Variants in USP42 observed in about 807,000 individuals in gnomAD.
USP42 encodes the protein ubiquitin specific peptidase 42, also known as ubiquitin carboxyl-terminal hydrolase 42.
USP42 carries 23 observed loss-of-function variants against 113.0 expected under a neutral mutation model. That is an observed-to-expected ratio of 0.20 (90% CI 0.15 to 0.29). USP42 has a LOEUF of 0.29. Among genes scored for constraint, USP42 ranks in the 10% least tolerant of loss-of-function variants. The pLI, the probability that USP42 is intolerant of heterozygous loss-of-function variation, is 1.00. For missense variants in USP42, 2,174 were observed against 1,779.8 expected (o/e 1.22, Z -3.99); for synonymous variants, 933 against 699.0 (o/e 1.33, Z -5.28).
chr7:6,156,918 A>G lies in USP42; in HGVS notation c.3806A>G (p.Gln1269Arg), dbSNP rs377237604. ...GTCACCAGCTTGGAGACTGTCGCCC[A>G]GTTCCGGAGAGCCCAGGGTGGCTTT... ...PRVTSLETVA[Q>R]FRRAQGGFPL... The change falls in exon 16 of 18, where the codon CAG becomes CGG. Residue 1269 changes from glutamine to arginine, a missense_variant. Gln to Arg is a conservative substitution (Grantham distance 43). Transcript: ENST00000306177. 6.2e-6 allele frequency: 10 copies of G among 1,613,772 alleles called. No individual in the cohort carries two copies. The African/African-American group carries it at 1.3e-4, about 22-fold the overall frequency.
At chr7:6,096,711 CCTT>C in the USP42 span, among the ~76,000 whole-genome samples, 2 of 151,166 alleles carry the variant, frequency 1.3e-5, no homozygotes, top group African/African-American at 4.9e-5. Flanking sequence ...TGGAGATCCT[CCTT>C]GTCTGCTTAC....
upstream of USP42, among the ~76,000 whole-genome samples, chr7:6,104,352 G>A (rs1379867092): frequency 2.0e-5 from 3 of 152,080 alleles, no homozygotes; most frequent in African/African-American, 7.2e-5. Context: ...AGAATGCTGG[G>A]ATTAAGGCGT....
rs1346476785 is a variant in USP42 at position 6,159,629 on chromosome 7, A to G, written c.*36+136A>G. Reference sequence around the variant, plus strand: ...GGCAGAGCCATGGAGAGGCCCCGGCAGGTTCCCAGCCAGCCCAGACCCAGG... The same window carrying G: ...GGCAGAGCCATGGAGAGGCCCCGGCGGGTTCCCAGCCAGCCCAGACCCAGG... On this transcript the variant is annotated intron_variant, in intron 17 of 17. Coordinates refer to ENST00000306177, the MANE Select transcript of USP42 (RefSeq NM_032172.3). The surrounding 1 kb of genome is among the most constrained non-coding windows in gnomAD (Gnocchi z 4.1). 3.5e-6 allele frequency: 3 copies of G among 864,172 alleles called. No homozygotes were observed. Among genetic ancestry groups the G allele is most frequent in the Non-Finnish European group, 5.4e-6 (3 of 559,580 alleles). The allele number at this position is 864,172 out of a possible 1,614,324, so 53.5% of individuals were successfully genotyped here.
At chr7:6,108,761 G>T (rs1779432990) in intron 1 of USP42, among the ~76,000 whole-genome samples, 1 of 152,160 alleles carries the variant, frequency 6.6e-6, no homozygotes, top group Non-Finnish European at 1.5e-5. Flanking sequence ...TTACAGGCGT[G>T]AGCCACTGCG....
In USP42 at chr7:6,154,658, A is replaced by T. The variant is rs1477476172; in HGVS notation, c.3104A>T (p.His1035Leu). The change falls in exon 15 of 18, where the codon CAC (histidine) becomes CTC (leucine). Residue 1035 changes from histidine (H) to leucine (L), a missense_variant. By Grantham distance (99) the His-to-Leu change is moderately conservative. Coordinates refer to ENST00000306177, the MANE Select transcript of USP42 (RefSeq NM_032172.3). ...RSGVELDWVRHHYTEGERGWG... is the reference protein window; with the variant it reads ...RSGVELDWVRLHYTEGERGWG... ...GGGGTGGAGCTGGACTGGGTCAGAC[A>T]CCACTACACCGAGGGCGAGCGTGGC... 1 of 1,606,158 alleles carries T rather than the reference A, an allele frequency of 6.2e-7. No homozygotes were observed. Among genetic ancestry groups the T allele is most frequent in the African/African-American group, 1.3e-5 (1 of 74,754 alleles).
chr7:6,154,505 G>T lies in USP42; in HGVS notation c.2951G>T (p.Cys984Phe), dbSNP rs1479089607. The change falls in exon 15 of 18, where the codon TGC (cysteine) becomes TTC (phenylalanine). Residue 984 changes from cysteine to phenylalanine, a missense_variant. Cys to Phe is a radical substitution (Grantham distance 205). Coordinates refer to ENST00000306177, the MANE Select transcript of USP42 (RefSeq NM_032172.3). ...CACCGTCACCGGCGGCGCCGCACCTGCCCCCGGGAGCGCGACCGCCAGGAC... is the reference window on the plus strand; with the variant it reads ...CACCGTCACCGGCGGCGCCGCACCTTCCCCCGGGAGCGCGACCGCCAGGAC... Reference protein sequence around the residue: ...EGHRHRRRRTCPRERDRQDRH... With the variant: ...EGHRHRRRRTFPRERDRQDRH... 5.8e-6 allele frequency: 9 copies of T among 1,541,738 alleles called. No homozygotes were observed. The highest frequency in any genetic ancestry group is 1.4e-5 in the African/African-American group (1 of 72,726).
chr7:6,152,925 G>A (rs1198102325), intron 14 of USP42: 3 of 985,186 alleles, frequency 3.0e-6, no homozygotes, highest in Admixed American at 6.2e-5. Context: ...GAAAGGAGGA[G>A]GCCCTGTCAT....
chr7:6,112,861 T>A (rs568359206), intron 2 of USP42, among the ~76,000 whole-genome samples: 5 of 152,056 alleles, frequency 3.3e-5, no homozygotes, highest in African/African-American at 1.2e-4. Context: ...CTTCGAGTAG[T>A]TTGATCGCCA....
In USP42 at chr7:6,154,451, C is replaced by T. The variant is rs771952489; in HGVS notation, c.2897C>T (p.Ala966Val). Reference protein sequence around the residue: ...RRERSSSGEPARESRSKTEGH... With the variant: ...RRERSSSGEPVRESRSKTEGH... ...GAGCGCTCGTCCAGCGGGGAGCCCG[C>T]CAGAGAGAGCAGGAGCAAGACTGAG... Residue 966 changes from alanine (A) to valine (V), a missense_variant, in exon 15 of 18, where the codon GCC becomes GTC. Coordinates refer to ENST00000306177, the MANE Select transcript of USP42 (RefSeq NM_032172.3). 10 of 1,565,488 alleles carry T rather than the reference C, an allele frequency of 6.4e-6. No homozygotes were observed. Among genetic ancestry groups the T allele is most frequent in the Non-Finnish European group, 7.8e-6 (9 of 1,156,548 alleles).
chr7:6,136,346 G>A (rs555001094), intron 4 of USP42, among the ~76,000 whole-genome samples: 7 of 152,078 alleles, frequency 4.6e-5, no homozygotes, highest in Admixed American at 1.3e-4. Flanking sequence ...GAAAAAAACC[G>A]AACCCGTCAT....
the USP42 span, among the ~76,000 whole-genome samples, chr7:6,083,926 C>G: frequency 6.6e-6 from 1 of 151,148 alleles, no homozygotes; most frequent in Non-Finnish European, 1.5e-5. Flanking sequence ...TAACCTCCTG[C>G]CCCTTTTTTC....
intron 1 of USP42, among the ~76,000 whole-genome samples, chr7:6,108,387 C>T (rs1779409799): frequency 6.6e-6 from 1 of 151,998 alleles, no homozygotes; most frequent in African/African-American, 2.4e-5. Context: ...AAAAGAAAAA[C>T]CCCAGAAAGT....
At chr7:6,104,594 A>G (rs917959093), upstream of USP42, among the ~76,000 whole-genome samples, 1 of 152,164 alleles carries the variant, frequency 6.6e-6, no homozygotes, top group East Asian at 1.9e-4. Flanking sequence ...GAAAGCCCAA[A>G]GTCCTACGCC....
chr7:6,102,428 G>A (rs1004066211), upstream of USP42, among the ~76,000 whole-genome samples: 1 of 149,850 alleles, frequency 6.7e-6, no homozygotes, highest in African/African-American at 2.5e-5. Flanking sequence ...AAGATTTAAG[G>A]GGCAGCCTGG....
Position 6,147,908 on chromosome 7 carries a change from G to T in USP42, c.1386+16G>T. 8.3e-6 allele frequency: 13 copies of T among 1,571,888 alleles called. No individual in the cohort carries two copies. Among genetic ancestry groups the T allele is most frequent in the Non-Finnish European group, 1.0e-5 (12 of 1,154,180 alleles). ...CATGATAAAGGTAACAGTCCTTAGG[G>T]AGAAGAACATTTTTATGTTAATTTT... On this transcript the variant is annotated intron_variant, in intron 12 of 17. Coordinates refer to ENST00000306177, the MANE Select transcript of USP42 (RefSeq NM_032172.3).
At chr7:6,160,302 G>GC (rs1472772283) in intron 17 of USP42, among the ~76,000 whole-genome samples, 3 of 152,344 alleles carry the variant, frequency 2.0e-5, no homozygotes, top group African/African-American at 7.2e-5. Context: ...CCTGAGTGAG[G>GC]GGCTGTGAGG....
chr7:6,085,615 TA>T, the USP42 span, among the ~76,000 whole-genome samples: 1 of 137,704 alleles, frequency 7.3e-6, no homozygotes, highest in African/African-American at 3.0e-5. Context: ...TATATATATA[TA>T]TATATATATT....
At chr7:6,124,074 C>G (rs568209705) in intron 3 of USP42, among the ~76,000 whole-genome samples, 32 of 152,136 alleles carry the variant, frequency 2.1e-4, no homozygotes, top group African/African-American at 7.7e-4. Flanking sequence ...TGGGGTTTCA[C>G]CATGTTGGCC....
chr7:6,156,730 G>T, intron 15 of USP42, 24 bp from the exon 16 acceptor site: 1 of 1,518,070 alleles, frequency 6.6e-7, no homozygotes, highest in South Asian at 1.4e-5. Flanking sequence ...TTAGGGTTTT[G>T]AATTCTGGCT....
Sources: gnomAD v4.1 joint callset for allele counts (sites outside exome capture counted in the v4.1 genomes callset) on GRCh38, gnomAD v4.1.1 for gene constraint, Gnocchi (gnomAD v3.1) non-coding constraint, MANE v1.5 for transcripts, NCBI Gene and HGNC (gene_info 2026-07-23, HGNC 2026-07-21) for gene names.